SPIRE1: variants seen among roughly 807,000 people sequenced by gnomAD.
The protein encoded by SPIRE1 is spire type actin nucleation factor 1.
A neutral mutation model predicts 94.1 loss-of-function variants in SPIRE1; 40 were observed. That is an observed-to-expected ratio of 0.43 (90% CI 0.33 to 0.55). The LOEUF (loss-of-function observed/expected upper bound fraction) is 0.55. Among genes scored for constraint, SPIRE1 ranks in the 20% least tolerant of loss-of-function variants. SPIRE1 has a pLI of 0.06. For synonymous variants in SPIRE1, 376 were observed against 371.7 expected, an observed-to-expected ratio of 1.01 and a Z score of -0.13; for missense variants, 838 against 975.2, an observed-to-expected ratio of 0.86 and a Z score of 1.87.
intron 2 of SPIRE1, among the ~76,000 whole-genome samples, chr18:12,552,838 C>A (rs1398504748): frequency 6.6e-6 from 1 of 152,110 alleles, no homozygotes; most frequent in Admixed American, 6.5e-5. Flanking sequence ...TGCTCCCAGC[C>A]AAATAAACCC....
At chr18:12,457,815 A>C (rs2031586072) in intron 12 of SPIRE1, among the ~76,000 whole-genome samples, 1 of 151,716 alleles carries the variant, frequency 6.6e-6, no homozygotes, top group African/African-American at 2.4e-5. Context: ...CACAGAGAGA[A>C]ATGGGAATAG....
chr18:12,619,352 C>T (rs981806275), intron 2 of SPIRE1, among the ~76,000 whole-genome samples: 1 of 151,058 alleles, frequency 6.6e-6, no homozygotes, highest in Non-Finnish European at 1.5e-5. Context: ...ACTAAAAATA[C>T]AAAAAATTAG....
intron 8 of SPIRE1, among the ~76,000 whole-genome samples, chr18:12,487,402 C>CTTTTT (rs35743856): frequency 7.5e-6 from 1 of 132,688 alleles, no homozygotes; most frequent in Non-Finnish European, 1.6e-5. Flanking sequence ...TATTTTCTTT[C>CTTTTT]TTTTTTTTTT....
intron 2 of SPIRE1, among the ~76,000 whole-genome samples, chr18:12,548,923 T>C (rs900720164): frequency 1.3e-5 from 2 of 152,218 alleles, no homozygotes; most frequent in African/African-American, 4.8e-5. Flanking sequence ...TTTTCTATTA[T>C]AAAAATGAAT....
chr18:12,614,416 C>T (rs1598532648), intron 2 of SPIRE1, among the ~76,000 whole-genome samples: 1 of 152,244 alleles, frequency 6.6e-6, no homozygotes, highest in South Asian at 2.1e-4. Flanking sequence ...TAGATCAGTC[C>T]CAAACAAAAT....
chr18:12,549,445 T>G (rs1260527286), intron 2 of SPIRE1, among the ~76,000 whole-genome samples: 9 of 91,204 alleles, frequency 9.9e-5, no homozygotes, highest in Non-Finnish European at 2.0e-4. Flanking sequence ...TGTTGTTTTT[T>G]TTTTTTTTTT....
At chr18:12,525,042 C>T (rs181050600) in intron 4 of SPIRE1, among the ~76,000 whole-genome samples, 1,617 of 150,886 alleles carry the variant, frequency 0.011, 18 homozygotes, top group Non-Finnish European at 0.017. Flanking sequence ...TTTGGGAGGC[C>T]GAGGCAGGCA....
intron 5 of SPIRE1, among the ~76,000 whole-genome samples, chr18:12,511,270 G>A (rs934663016): frequency 2.0e-5 from 3 of 152,194 alleles, no homozygotes; most frequent in Admixed American, 6.5e-5. Context: ...GGAAGTGAGC[G>A]GCACAGCAAA....
chr18:12,584,444 A>G (rs2036338658), intron 2 of SPIRE1, among the ~76,000 whole-genome samples: 1 of 152,110 alleles, frequency 6.6e-6, no homozygotes, highest in Non-Finnish European at 1.5e-5. Context: ...AAAAAAAAAG[A>G]AAAATGAATT....
intron 2 of SPIRE1, among the ~76,000 whole-genome samples, chr18:12,561,450 G>T (rs963377867): frequency 6.6e-6 from 1 of 151,978 alleles, no homozygotes; most frequent in Admixed American, 6.6e-5. Context: ...ATTTTTAGTA[G>T]AGACGGGGTT....
chr18:12,639,758 T>TA lies in SPIRE1; in HGVS notation c.338-4663dup, dbSNP rs199880612. ...AAATAAATAAATAAATAAATAAAAA[T>TA]AAAAAAAAGAAAGGCTGAGGTGGGA... is the stretch of plus-strand genomic sequence containing the variant. On this transcript the variant is annotated intron_variant, in intron 1 of 16. Coordinates refer to ENST00000409402, the MANE Select transcript of SPIRE1 (RefSeq NM_001128626.2). Among the ~76,000 whole-genome samples the TA allele has an allele frequency of 4.6e-3, 655 of 143,162 alleles. 4 individuals are homozygous for TA. The highest frequency in any genetic ancestry group is 0.016 in the African/African-American group (620 of 38,560). The allele number at this position is 143,162 out of a possible 152,430, so 93.9% of individuals were successfully genotyped here.
chr18:12,594,887 G>C (rs1344757514), intron 2 of SPIRE1, among the ~76,000 whole-genome samples: 1 of 152,156 alleles, frequency 6.6e-6, no homozygotes, highest in Non-Finnish European at 1.5e-5. Flanking sequence ...TCAATGCAAA[G>C]ATGAAGACCA....
intron 2 of SPIRE1, among the ~76,000 whole-genome samples, chr18:12,616,863 CATT>C (rs1461099392): frequency 1.3e-5 from 2 of 152,086 alleles, no homozygotes; most frequent in African/African-American, 2.4e-5. Context: ...TTTATTTTAT[CATT>C]ATTATTTTTT....
intron 2 of SPIRE1, among the ~76,000 whole-genome samples, chr18:12,549,436 G>GTTTTTTTTTTTTTTTTTTTTTTTTTTTT (rs1345452411): frequency 2.5e-4 from 13 of 51,916 alleles, no homozygotes; most frequent in Non-Finnish European, 3.7e-4. Flanking sequence ...TTTTGTTATT[G>GTTTTTTTTTTTTTTTTTTTTTTTTTTTT]TTGTTTTTTT....
intron 9 of SPIRE1, among the ~76,000 whole-genome samples, chr18:12,481,282 G>A (rs1339430253): frequency 6.7e-5 from 6 of 89,992 alleles, no homozygotes; most frequent in South Asian, 3.6e-4. Flanking sequence ...AACAACCCCC[G>A]CCCCCCGCAA....
Position 12,453,124 on chromosome 18 carries a change from G to A in SPIRE1, c.1791C>T (p.Cys597=), listed in dbSNP as rs1175926458. The A allele has an allele frequency of 6.2e-6, 10 of 1,606,848 alleles. No individual in the cohort carries two copies. Among genetic ancestry groups the A allele is most frequent in the Non-Finnish European group, 8.5e-6 (10 of 1,178,092 alleles). ...ALKKGKLCFC[C]RTRRFSFFTW... ...TGAAGAAGGAAAACCTCCTGGTTCG[G>A]CAACAAAAGCAGAGCTAAAAAATAC... The change falls in exon 14 of 17, where the codon TGC becomes TGT. Residue 597 remains cysteine, a synonymous_variant. Coordinates refer to ENST00000409402, the MANE Select transcript of SPIRE1 (RefSeq NM_001128626.2).
chr18:12,634,005 T>A (rs1323023420), intron 2 of SPIRE1, among the ~76,000 whole-genome samples: 1 of 152,108 alleles, frequency 6.6e-6, no homozygotes, highest in Non-Finnish European at 1.5e-5. Flanking sequence ...TCCCAGCACT[T>A]TGGGAGGCCG....
At chr18:12,614,945 T>C (rs2037243292) in intron 2 of SPIRE1, among the ~76,000 whole-genome samples, 1 of 152,004 alleles carries the variant, frequency 6.6e-6, no homozygotes, top group African/African-American at 2.4e-5. Context: ...TCCTAGCACT[T>C]TGGGAGGCCA....
intron 10 of SPIRE1, among the ~76,000 whole-genome samples, chr18:12,474,149 A>C (rs2032467074): frequency 6.6e-6 from 1 of 152,244 alleles, no homozygotes; most frequent in African/African-American, 2.4e-5. Flanking sequence ...TTCCTATATC[A>C]AGAGTGAATA....
Sources: allele counts gnomAD v4.1 joint callset (sites outside exome capture counted in the v4.1 genomes callset), GRCh38; gene constraint gnomAD v4.1.1; transcripts MANE v1.5; gene names NCBI Gene and HGNC (gene_info 2026-07-23, HGNC 2026-07-21).